Variants in CEP112 observed in about 807,000 individuals in gnomAD.
CEP112 encodes centrosomal protein 112.
A neutral mutation model predicts 153.0 loss-of-function variants in CEP112; 127 were observed. That is an observed-to-expected ratio of 0.83 (90% CI 0.72 to 0.96). CEP112 has a LOEUF of 0.96. Among genes scored for constraint, CEP112 ranks in the 40% least tolerant of loss-of-function variants. The probability of loss-of-function intolerance (pLI) is 0.00; values close to 1 mark genes in which losing one functional copy is unlikely to be tolerated. For missense variants in CEP112, 1,089 were observed against 1,101.2 expected (o/e 0.99, Z 0.16); for synonymous variants, 358 against 374.4 (o/e 0.96, Z 0.51).
intron 19 of CEP112, among the ~76,000 whole-genome samples, 179 bp downstream of exon 19, chr17:65,927,403 T>C (rs2060966622): frequency 6.6e-6 from 1 of 152,222 alleles, no homozygotes; most frequent in African/African-American, 2.4e-5. Flanking sequence ...TAAACTTCAG[T>C]GGAGTGTTAA....
chr17:65,732,305 C>G (rs1439992061), intron 23 of CEP112, among the ~76,000 whole-genome samples: 2 of 152,032 alleles, frequency 1.3e-5, no homozygotes, highest in East Asian at 3.9e-4. Flanking sequence ...TTTTTCTGGG[C>G]AGGAGGTCTC....
intron 12 of CEP112, among the ~76,000 whole-genome samples, chr17:66,031,250 A>G (rs1228053495): frequency 6.6e-6 from 1 of 152,218 alleles, no homozygotes; most frequent in Non-Finnish European, 1.5e-5. Context: ...TGGAAGAAAC[A>G]AAGAACATAT....
At chr17:65,920,359 C>CAAAAAAAAAAAAAAAA (rs1555713306) in intron 19 of CEP112, among the ~76,000 whole-genome samples, 7 of 29,818 alleles carry the variant, frequency 2.3e-4, no homozygotes, top group African/African-American at 7.9e-4. Context: ...AACAAACAAA[C>CAAAAAAAAAAAAAAAA]AAAATATATA....
At chr17:65,786,857 A>G (rs557915782) in intron 21 of CEP112, among the ~76,000 whole-genome samples, 1 of 152,134 alleles carries the variant, frequency 6.6e-6, no homozygotes, top group Non-Finnish European at 1.5e-5. Context: ...AAGTGCTGGG[A>G]TTATAAGCAA....
At position 65,967,956 on chromosome 17, in the gene CEP112, C is replaced by T. The variant is rs184978870; in HGVS notation, c.1737-6358G>A. Among the ~76,000 whole-genome samples the T allele has an allele frequency of 5.3e-3, 799 of 152,048 alleles. 6 individuals carry two copies. The highest frequency in any genetic ancestry group is 6.1e-3 in the Non-Finnish European group (417 of 67,930). ...AAATTCTTTAAACTTCAAAATAAAT[C>T]CCACATATGATGCTATTTTCGTTTA... is the stretch of plus-strand genomic sequence containing the variant. On this transcript the variant is annotated intron_variant, in intron 17 of 26. Coordinates refer to ENST00000535342, the MANE Select transcript of CEP112 (RefSeq NM_001199165.4).
At chr17:65,981,767 G>A (rs1404800429) in intron 17 of CEP112, among the ~76,000 whole-genome samples, 2 of 152,076 alleles carry the variant, frequency 1.3e-5, no homozygotes, top group Non-Finnish European at 2.9e-5. Context: ...TAGAGACGGG[G>A]TTTCGCCATA....
At position 66,192,122 on chromosome 17, in the gene CEP112, G is replaced by A. The variant is rs1278461633; in HGVS notation, c.-134C>T. On this transcript the variant is annotated 5_prime_UTR_variant, in exon 1 of 27. Transcript: ENST00000535342. ...GTCGCCGCCGCCCAGCAGCCCGGGG[G>A]CGGGGACTTTCGCGCTCGCATTTCC... 3.3e-5 allele frequency: 5 copies of A among 153,102 alleles called. No homozygotes were observed. In the South Asian group the frequency reaches 5.4e-4, roughly 16 times the overall value. 9.5% of individuals were successfully genotyped at this position (153,102 alleles called of 1,614,324 possible).
chr17:65,735,995 C>G (rs779984999), intron 23 of CEP112, among the ~76,000 whole-genome samples: 1 of 152,066 alleles, frequency 6.6e-6, no homozygotes, highest in African/African-American at 2.4e-5. Flanking sequence ...AAACAACATG[C>G]CCATATTTGC....
chr17:65,962,913 C>T (rs1351217326), intron 17 of CEP112, among the ~76,000 whole-genome samples: 1 of 152,190 alleles, frequency 6.6e-6, no homozygotes, highest in Non-Finnish European at 1.5e-5. Context: ...GCCAAGTCTC[C>T]AGTATGTCTT....
intron 21 of CEP112, among the ~76,000 whole-genome samples, chr17:65,829,630 G>T (rs2056997434): frequency 6.6e-6 from 1 of 152,132 alleles, no homozygotes; most frequent in African/African-American, 2.4e-5. Context: ...ACATCAGAAA[G>T]GCTGCTTGGA....
chr17:65,923,529 A>G (rs2060809107), intron 19 of CEP112, among the ~76,000 whole-genome samples: 1 of 152,192 alleles, frequency 6.6e-6, no homozygotes, highest in Non-Finnish European at 1.5e-5. Flanking sequence ...TGGGAGACAG[A>G]GCAAGACCCC....
At chr17:65,957,090 ATTCT>A (rs1196500613) in intron 18 of CEP112, among the ~76,000 whole-genome samples, 1 of 152,198 alleles carries the variant, frequency 6.6e-6, no homozygotes, top group Non-Finnish European at 1.5e-5. Flanking sequence ...AACCTTATGA[ATTCT>A]TTATTTCTGG....
intron 17 of CEP112, among the ~76,000 whole-genome samples, chr17:65,977,457 G>A (rs2063077550): frequency 6.6e-6 from 1 of 152,182 alleles, no homozygotes; most frequent in Admixed American, 6.6e-5. Flanking sequence ...TTCAAATCCT[G>A]GCACCTCCAC....
intron 2 of CEP112, among the ~76,000 whole-genome samples, chr17:66,181,664 T>C (rs2072728000): frequency 6.6e-6 from 1 of 152,114 alleles, no homozygotes; most frequent in South Asian, 2.1e-4. Context: ...CCCTAAAATC[T>C]TTTTTTAAAG....
At chr17:65,786,643 G>A (rs549476595) in intron 21 of CEP112, among the ~76,000 whole-genome samples, 41 of 139,864 alleles carry the variant, frequency 2.9e-4, no homozygotes, top group African/African-American at 1.1e-3. Flanking sequence ...CTGGAATGCT[G>A]TGGTGCAATC....
intron 4 of CEP112, among the ~76,000 whole-genome samples, chr17:66,169,160 TCCA>T (rs2072128746): frequency 6.6e-6 from 1 of 151,944 alleles, no homozygotes; most frequent in Non-Finnish European, 1.5e-5. Flanking sequence ...TTATAGTATA[TCCA>T]CATTATGGAT....
intron 19 of CEP112, among the ~76,000 whole-genome samples, chr17:65,906,839 G>A (rs1468665187): frequency 1.3e-5 from 2 of 152,160 alleles, no homozygotes; most frequent in Non-Finnish European, 2.9e-5. Flanking sequence ...ATGAATGACT[G>A]AGATGGAATA....
rs1402469157 is a variant in CEP112, at chr17:66,191,507, T to C, written c.-9+490A>G. 1.3e-5 allele frequency among the ~76,000 whole-genome samples: 2 copies of C among 152,226 alleles called. No individual in the cohort carries two copies. Among genetic ancestry groups the C allele is most frequent in the Admixed American group, 6.5e-5 (1 of 15,290 alleles). On this transcript the variant is annotated intron_variant, in intron 1 of 26. Coordinates refer to ENST00000535342, the MANE Select transcript of CEP112 (RefSeq NM_001199165.4). The surrounding 1 kb of genome is among the most constrained non-coding windows in gnomAD (Gnocchi z 4.2). Reference sequence around the variant, plus strand: ...CCTCTCCAAGCGGCCTATGACTTTCTGCAAACCAACCAGCGCCCTGGTTCT... The same window carrying C: ...CCTCTCCAAGCGGCCTATGACTTTCCGCAAACCAACCAGCGCCCTGGTTCT...
intron 24 of CEP112, 121 bp from the exon 25 acceptor site, chr17:65,641,186 C>T: frequency 1.7e-6 from 1 of 595,412 alleles, no homozygotes; most frequent in Non-Finnish European, 3.0e-6. Flanking sequence ...GGTCAGAAAC[C>T]AGACAATAAA....
Sources: allele counts gnomAD v4.1 joint callset (sites outside exome capture counted in the v4.1 genomes callset), GRCh38; gene constraint gnomAD v4.1.1; non-coding constraint Gnocchi (gnomAD v3.1); transcripts MANE v1.5; gene names NCBI Gene and HGNC (gene_info 2026-07-23, HGNC 2026-07-21).